WNK1: variants seen among roughly 807,000 people sequenced by gnomAD.
The protein encoded by WNK1 is serine/threonine-protein kinase WNK1.
In WNK1, 38 loss-of-function variants were observed where a neutral mutation model predicts 222.8. The ratio of observed to expected loss-of-function variants is 0.17; its 90% CI spans 0.13 to 0.22. WNK1 has a LOEUF of 0.22. Among genes scored for constraint, WNK1 ranks in the 10% least tolerant of loss-of-function variants. The probability of loss-of-function intolerance (pLI) is 1.00; values close to 1 mark genes in which losing one functional copy is unlikely to be tolerated. For missense variants in WNK1, 2,348 were observed against 2,918.4 expected (o/e 0.80, Z 4.50); for synonymous variants, 1,090 against 1,092.9 (o/e 1.00, Z 0.05).
chr12:754,508 G>A (rs893726724), intron 1 of WNK1, among the ~76,000 whole-genome samples, 184 bp downstream of exon 1: 1 of 152,324 alleles, frequency 6.6e-6, no homozygotes, highest in Middle Eastern at 3.4e-3. Context: ...TGTTGGGATA[G>A]GATAAGAATT....
intron 4 of WNK1, among the ~76,000 whole-genome samples, chr12:846,381 G>T (rs975833395): frequency 6.6e-6 from 1 of 152,194 alleles, no homozygotes; most frequent in Non-Finnish European, 1.5e-5. Flanking sequence ...ACCGTAGCAG[G>T]CAATGATATC....
At chr12:810,881 C>T (rs546996453) in intron 1 of WNK1, among the ~76,000 whole-genome samples, 2 of 152,256 alleles carry the variant, frequency 1.3e-5, no homozygotes, top group East Asian at 3.9e-4. Context: ...ACCCCCACCC[C>T]ACCCCCAGCA....
At chr12:788,966 TATA>T in intron 1 of WNK1, among the ~76,000 whole-genome samples, 1 of 152,264 alleles carries the variant, frequency 6.6e-6, no homozygotes, top group Admixed American at 6.5e-5. Flanking sequence ...AACCTTTGCT[TATA>T]ACAGTTTTTG....
chr12:822,948 A>G (rs998452495), intron 2 of WNK1, among the ~76,000 whole-genome samples: 59 of 152,136 alleles, frequency 3.9e-4, no homozygotes, highest in African/African-American at 1.3e-3. Context: ...AAAGTGTACT[A>G]CTGTCAAACT....
chr12:824,377 C>T (rs1434872931), intron 2 of WNK1, among the ~76,000 whole-genome samples: 1 of 151,968 alleles, frequency 6.6e-6, no homozygotes, highest in Non-Finnish European at 1.5e-5. Flanking sequence ...AGAAATGTTC[C>T]ATTTGTAATA....
intron 4 of WNK1, among the ~76,000 whole-genome samples, chr12:849,038 A>G (rs980662257): frequency 6.6e-6 from 1 of 151,752 alleles, no homozygotes; most frequent in Non-Finnish European, 1.5e-5. Context: ...TTAGCCAAGC[A>G]TGGTCCTACA....
At chr12:829,813 A>G in intron 3 of WNK1, 190 bp from the exon 4 acceptor site, 2 of 616,750 alleles carry the variant, frequency 3.2e-6, no homozygotes, top group East Asian at 5.6e-5. Context: ...TTGCAGTGGA[A>G]GATCTTTTAT....
chr12:888,921 C>A (rs1298696342), intron 20 of WNK1, among the ~76,000 whole-genome samples: 3 of 152,186 alleles, frequency 2.0e-5, no homozygotes, highest in Admixed American at 2.0e-4. Context: ...AAAACATGAA[C>A]TACTCTGAGC....
intron 1 of WNK1, among the ~76,000 whole-genome samples, chr12:808,011 G>A (rs1347731579): frequency 6.6e-6 from 1 of 151,910 alleles, no homozygotes; most frequent in Admixed American, 6.6e-5. Context: ...GAGCCACCGC[G>A]CCCGGCCGGG....
intron 1 of WNK1, among the ~76,000 whole-genome samples, chr12:800,609 G>T (rs895145179): frequency 6.6e-6 from 1 of 151,854 alleles, no homozygotes; most frequent in Non-Finnish European, 1.5e-5. Context: ...ATGATCTGTG[G>T]GCCTGCTGAT....
At chr12:900,795 G>A in intron 26 of WNK1, 125 bp downstream of exon 26, 1 of 1,169,964 alleles carries the variant, frequency 8.5e-7, no homozygotes, top group Non-Finnish European at 1.3e-6. Flanking sequence ...GTTGTACACT[G>A]AAGAATCTGG....
At position 884,174 on chromosome 12, in the gene WNK1, A is replaced by G; in HGVS notation, c.3775A>G (p.Ile1259Val). The G allele has an allele frequency of 6.2e-7, 1 of 1,614,208 alleles. No homozygotes were observed. The highest frequency in any genetic ancestry group is 8.5e-7 in the Non-Finnish European group (1 of 1,180,020). The change falls in exon 18 of 28, where the codon ATA becomes GTA. Residue 1259 changes from isoleucine to valine, a missense_variant. Physicochemically the swap from Ile to Val is conservative, Grantham distance 29. Around this residue, in one of 13 missense-constraint regions of WNK1, gnomAD observed 1,144 missense variants for 1,273.6 expected, o/e 0.90. Transcript: ENST00000315939. This position sits in a 1 kb window ranked among gnomAD's most constrained non-coding sequence, Gnocchi z 5.6. ...QVVHSAGRRFIVSPVPESRLR... is the reference protein window; with the variant it reads ...QVVHSAGRRFVVSPVPESRLR... The stretch of plus-strand genomic sequence containing the variant: ...TGTTCATTCTGCGGGAAGGCGGTTT[A>G]TAGTGAGTCCTGTGCCAGAAAGCCG...
chr12:822,398 A>G (rs188309345), intron 2 of WNK1, among the ~76,000 whole-genome samples: 1 of 152,148 alleles, frequency 6.6e-6, no homozygotes, highest in Non-Finnish European at 1.5e-5. Flanking sequence ...CAGCCGTAAT[A>G]TATCACATTC....
chr12:756,646 T>C (rs1421867959), intron 1 of WNK1, among the ~76,000 whole-genome samples: 1 of 152,240 alleles, frequency 6.6e-6, no homozygotes, highest in African/African-American at 2.4e-5. Context: ...TAGCAGTAGT[T>C]AGGCAGTATT....
intron 27 of WNK1, 140 bp downstream of exon 27, chr12:908,174 C>A: frequency 8.9e-7 from 1 of 1,120,498 alleles, no homozygotes; most frequent in Non-Finnish European, 1.3e-6. Context: ...AAAAATCCCC[C>A]AGGTACCCTT....
intron 23 of WNK1, among the ~76,000 whole-genome samples, chr12:895,338 G>A (rs1954645024): frequency 6.6e-6 from 1 of 152,058 alleles, no homozygotes; most frequent in South Asian, 2.1e-4. Context: ...TGATTCTTGA[G>A]GCATACCAGG....
intron 21 of WNK1, 25 bp downstream of exon 21, chr12:889,248 A>G (rs769937486): frequency 6.3e-7 from 1 of 1,583,368 alleles, no homozygotes; most frequent in Non-Finnish European, 8.7e-7. Flanking sequence ...TCTTGATAAA[A>G]TCTCCTCATA....
Position 861,342 on chromosome 12 carries a change from A to T in WNK1, c.1950A>T (p.Leu650Phe), listed in dbSNP as rs1165511823. ...LQYQQPSISVLSDGTVDSGQG... is the reference protein window; with the variant it reads ...LQYQQPSISVFSDGTVDSGQG... ...ACCAGCAACCCAGTATATCTGTGTTATGTACGTATCTTGGGAAGTGGACAG... is the reference window on the plus strand; with the variant it reads ...ACCAGCAACCCAGTATATCTGTGTTTTGTACGTATCTTGGGAAGTGGACAG... The change falls in exon 7 of 28, where the codon TTA (leucine) becomes TTT (phenylalanine). Residue 650 changes from leucine (L) to phenylalanine (F), a missense_variant and splice_region_variant. Transcript: ENST00000315939. The T allele has an allele frequency of 1.2e-6, 2 of 1,613,758 alleles. No homozygotes were observed. The highest frequency in any genetic ancestry group is 1.7e-5 in the Admixed American group (1 of 60,018).
intron 1 of WNK1, among the ~76,000 whole-genome samples, chr12:777,835 A>G (rs1039250012): frequency 3.3e-5 from 5 of 152,224 alleles, no homozygotes; most frequent in African/African-American, 9.6e-5. Context: ...TTGACTTCCA[A>G]CAGTTTACAG....
Sources: allele counts gnomAD v4.1 joint callset (sites outside exome capture counted in the v4.1 genomes callset), GRCh38; gene constraint gnomAD v4.1.1; regional missense constraint gnomAD v4.1.1; non-coding constraint Gnocchi (gnomAD v3.1); transcripts MANE v1.5; gene names NCBI Gene and HGNC (gene_info 2026-07-23, HGNC 2026-07-21).